The following PCDH9 variants were observed in gnomAD, a reference collection of about 807,000 sequenced individuals.
PCDH9 encodes the protein protocadherin-9.
PCDH9 carries 24 observed loss-of-function variants against 70.6 expected under a neutral mutation model. That is an observed-to-expected ratio of 0.34 (90% CI 0.25 to 0.48). The LOEUF is 0.48. Among genes scored for constraint, PCDH9 ranks in the 20% least tolerant of loss-of-function variants. The pLI is 0.99. For synonymous variants in PCDH9, 562 were observed against 558.5 expected (o/e 1.01, Z -0.09); for missense variants, 1,281 against 1,503.6 (o/e 0.85, Z 2.45).
intron 4 of PCDH9, among the ~76,000 whole-genome samples, chr13:66,351,640 G>A (rs769576723): frequency 6.6e-6 from 1 of 151,802 alleles, no homozygotes; most frequent in Non-Finnish European, 1.5e-5. Flanking sequence ...AATCACTTAG[G>A]GTATTATTAT....
chr13:67,225,688 A>T lies in PCDH9; in HGVS notation c.2753T>A (p.Phe918Tyr). 6.2e-7 allele frequency: 1 copy of T among 1,614,118 alleles called. No individual in the cohort carries two copies. Among genetic ancestry groups the T allele is most frequent in the East Asian group, 2.2e-5 (1 of 44,872 alleles). The stretch of plus-strand genomic sequence containing the variant: ...TGTTGGAGGTGCCGGGCCCCAGTCA[A>T]ATCTTCCTATACTTTGCTCCTCCAG... ...AELEEQSIGR[F>Y]DWGPAPPTTF... The change falls in exon 2 of 5, where the codon TTT (phenylalanine) becomes TAT (tyrosine). Residue 918 changes from phenylalanine (F) to tyrosine (Y), a missense_variant. Around this residue, in one of 4 missense-constraint regions of PCDH9, gnomAD observed 207 missense variants for 191.8 expected, o/e 1.08. Coordinates refer to ENST00000377865, the MANE Select transcript of PCDH9 (RefSeq NM_203487.3).
chr13:66,458,240 T>C (rs769824600), intron 4 of PCDH9, among the ~76,000 whole-genome samples: 11 of 152,036 alleles, frequency 7.2e-5, no homozygotes, highest in Non-Finnish European at 1.5e-4. Context: ...GTGATTTAAG[T>C]AGATTTCTGG....
At chr13:66,825,073 T>A (rs1313188536) in intron 3 of PCDH9, 1 of 151,906 alleles carries the variant, frequency 6.6e-6, no homozygotes, top group Non-Finnish European at 1.5e-5. Context: ...CATTTTAAAA[T>A]TTTAATTTAA....
At chr13:67,141,049 A>G (rs1376287600) in intron 2 of PCDH9, among the ~76,000 whole-genome samples, 5 of 152,204 alleles carry the variant, frequency 3.3e-5, no homozygotes, top group Non-Finnish European at 7.3e-5. Flanking sequence ...AGAGATAAGG[A>G]ACTAGACGCC....
At chr13:66,854,405 T>G (rs1012783497) in intron 3 of PCDH9, among the ~76,000 whole-genome samples, 2 of 152,188 alleles carry the variant, frequency 1.3e-5, no homozygotes, top group Non-Finnish European at 2.9e-5. Context: ...AGAATCTTCA[T>G]TATTCATGGA....
chr13:66,757,652 T>C (rs1261081772), intron 3 of PCDH9, among the ~76,000 whole-genome samples: 1 of 152,110 alleles, frequency 6.6e-6, no homozygotes, highest in Non-Finnish European at 1.5e-5. Context: ...ATAAAACGTA[T>C]GAGGAAAATT....
At chr13:67,182,851 T>G (rs533580294) in intron 2 of PCDH9, among the ~76,000 whole-genome samples, 3 of 152,234 alleles carry the variant, frequency 2.0e-5, no homozygotes, top group African/African-American at 7.2e-5. Context: ...TGCCATAAAT[T>G]CTTCACTACT....
At position 67,227,276 on chromosome 13, in the gene PCDH9, A is replaced by C. The variant is rs188545786; in HGVS notation, c.1165T>G (p.Ser389Ala). 1.2e-6 allele frequency: 2 copies of C among 1,613,456 alleles called. No homozygotes were observed. The highest frequency in any genetic ancestry group is 2.2e-5 in the East Asian group (1 of 44,878). Residue 389 changes from serine to alanine, a missense_variant, in exon 2 of 5, where the codon TCA becomes GCA. Transcript: ENST00000377865. The surrounding 1 kb of genome is among the most constrained non-coding windows in gnomAD (Gnocchi z 4.6). Reference sequence around the variant, plus strand: ...CCATTCACATCTGTGTCCTTATCTGAAACTGTAATTAGGGCAATCTTTGTA... The same window carrying C: ...CCATTCACATCTGTGTCCTTATCTGCAACTGTAATTAGGGCAATCTTTGTA... ...VNTKIALITV[S>A]DKDTDVNGKV...
intron 2 of PCDH9, among the ~76,000 whole-genome samples, chr13:66,950,149 A>G (rs2083155029): frequency 6.6e-6 from 1 of 152,162 alleles, no homozygotes; most frequent in Non-Finnish European, 1.5e-5. Flanking sequence ...ACTGTATTAA[A>G]GCAAAATCAG....
chr13:67,145,302 G>T (rs2087495435), intron 2 of PCDH9, among the ~76,000 whole-genome samples: 1 of 152,020 alleles, frequency 6.6e-6, no homozygotes, highest in Non-Finnish European at 1.5e-5. Flanking sequence ...GCTTGTAAAT[G>T]AAGTGTCTCT....
At chr13:66,640,964 C>T (rs1438544142) in intron 3 of PCDH9, among the ~76,000 whole-genome samples, 2 of 152,102 alleles carry the variant, frequency 1.3e-5, no homozygotes, top group African/African-American at 4.8e-5. Flanking sequence ...CAACCTCTGC[C>T]TCCCGGGTTC....
intron 4 of PCDH9, among the ~76,000 whole-genome samples, chr13:66,532,723 G>A (rs1480281145): frequency 6.6e-6 from 1 of 151,956 alleles, no homozygotes; most frequent in Non-Finnish European, 1.5e-5. Context: ...TAGAGACGGG[G>A]TTTCACTTTC....
chr13:67,117,373 C>G (rs2086798599), intron 2 of PCDH9, among the ~76,000 whole-genome samples: 1 of 152,122 alleles, frequency 6.6e-6, no homozygotes. Flanking sequence ...TTAAGGATCT[C>G]TGCCAACTTC....
chr13:66,474,954 C>T (rs1335718068), intron 4 of PCDH9, among the ~76,000 whole-genome samples: 1 of 152,038 alleles, frequency 6.6e-6, no homozygotes, highest in Non-Finnish European at 1.5e-5. Context: ...GACAGTGTGT[C>T]TACAGCTGCA....
chr13:66,474,486 AAT>A (rs1958681963), intron 4 of PCDH9, among the ~76,000 whole-genome samples: 1 of 152,116 alleles, frequency 6.6e-6, no homozygotes. Context: ...AAATTATGAA[AAT>A]TATGTGTAGT....
At chr13:67,207,847 T>G (rs969004021) in intron 2 of PCDH9, 3 of 152,200 alleles carry the variant, frequency 2.0e-5, no homozygotes, top group Non-Finnish European at 4.4e-5. Flanking sequence ...ATTGATTACT[T>G]TTTATTATTA....
intron 3 of PCDH9, among the ~76,000 whole-genome samples, chr13:66,865,241 T>C (rs1267031935): frequency 1.3e-5 from 2 of 152,208 alleles, no homozygotes; most frequent in African/African-American, 4.8e-5. Context: ...TTAAAATCCG[T>C]TGTACTCATT....
intron 3 of PCDH9, among the ~76,000 whole-genome samples, chr13:66,689,206 A>C (rs1566507275): frequency 6.6e-6 from 1 of 152,172 alleles, no homozygotes; most frequent in Non-Finnish European, 1.5e-5. Context: ...GCACCATTAC[A>C]GGCTATTTAA....
intron 3 of PCDH9, among the ~76,000 whole-genome samples, chr13:66,806,634 T>C (rs35803819): frequency 1.3e-5 from 2 of 152,162 alleles, no homozygotes; most frequent in Non-Finnish European, 2.9e-5. Flanking sequence ...TCTGGGTTTG[T>C]AGTTTGGATC....
Sources: gnomAD v4.1 joint callset for allele counts (sites outside exome capture counted in the v4.1 genomes callset) on GRCh38, gnomAD v4.1.1 for gene constraint, gnomAD v4.1.1 regional missense constraint, Gnocchi (gnomAD v3.1) non-coding constraint, MANE v1.5 for transcripts, NCBI Gene and HGNC (gene_info 2026-07-23, HGNC 2026-07-21) for gene names.